Variants in RCOR1 observed in about 807,000 individuals in gnomAD.
RCOR1 encodes REST corepressor.
In RCOR1, 12 loss-of-function variants were observed where a neutral mutation model predicts 64.0. The ratio of observed to expected loss-of-function variants is 0.19; its 90% CI spans 0.12 to 0.30. The LOEUF (loss-of-function observed/expected upper bound fraction) is 0.30. Ranked by LOEUF, RCOR1 falls within the 10% of genes least tolerant of loss-of-function variation. The probability of loss-of-function intolerance (pLI) is 1.00; values close to 1 mark genes in which losing one functional copy is unlikely to be tolerated. For synonymous variants in RCOR1, 279 were observed against 227.2 expected, an observed-to-expected ratio of 1.23 and a Z score of -2.05; for missense variants, 502 against 621.2, an observed-to-expected ratio of 0.81 and a Z score of 2.04.
Position 102,708,574 on chromosome 14 carries a change from G to A in RCOR1, c.770G>A (p.Arg257Gln), listed in dbSNP as rs769850312. ...CATGCCCGGAAACAAAAACGGGAGC[G>A]GGAGGAGAGGTGAGCACATGGCTGG... ...DRHARKQKRE[R>Q]EESEDELEEA... Residue 257 changes from arginine to glutamine, a missense_variant, in exon 6 of 12, where the codon CGG becomes CAG. Arg to Gln is a conservative substitution (Grantham distance 43). Coordinates refer to ENST00000262241, the MANE Select transcript of RCOR1 (RefSeq NM_015156.4). 12 of 1,592,184 alleles carry A rather than the reference G, an allele frequency of 7.5e-6. No individual in the cohort carries two copies. Among genetic ancestry groups the A allele is most frequent in the Admixed American group, 3.3e-5 (2 of 59,920 alleles).
chr14:102,696,844 G>A (rs1402567875), intron 3 of RCOR1, among the ~76,000 whole-genome samples: 1 of 135,484 alleles, frequency 7.4e-6, no homozygotes, highest in Non-Finnish European at 1.6e-5. Flanking sequence ...AAGGGTAGCT[G>A]GGAACACATT....
intron 2 of RCOR1, among the ~76,000 whole-genome samples, chr14:102,639,822 A>C (rs1190337): frequency 0.78 from 118,518 of 151,336 alleles, 46,723 homozygotes; most frequent in Middle Eastern, 0.87. Context: ...TGTGACACTG[A>C]GCTCAGCCTA....
chr14:102,657,292 T>C (rs1382646978), intron 2 of RCOR1: 1 of 985,196 alleles, frequency 1.0e-6, no homozygotes, highest in Non-Finnish European at 1.2e-6. Flanking sequence ...GGTGAGTCCT[T>C]TTAGGCGATA....
intron 4 of RCOR1, among the ~76,000 whole-genome samples, chr14:102,705,350 T>C (rs774823676): frequency 5.1e-4 from 77 of 152,240 alleles, no homozygotes; most frequent in Non-Finnish European, 8.8e-5. Context: ...GTGGACCCAG[T>C]ATTCATTTTG....
At chr14:102,692,710 C>CTCCTTCCTTCCT (rs35869950) in intron 3 of RCOR1, among the ~76,000 whole-genome samples, 12,541 of 118,562 alleles carry the variant, frequency 0.11, 912 homozygotes, top group Non-Finnish European at 0.12. Flanking sequence ...AACTACATCT[C>CTCCTTCCTTCCT]TCCTTCCTTC....
chr14:102,636,930 C>T (rs529844301), intron 2 of RCOR1, among the ~76,000 whole-genome samples: 2 of 152,070 alleles, frequency 1.3e-5, no homozygotes, highest in Admixed American at 6.5e-5. Context: ...GAGATCGCAC[C>T]ATTGCACTCC....
At chr14:102,685,035 A>G (rs778929828) in intron 3 of RCOR1, among the ~76,000 whole-genome samples, 6 of 151,262 alleles carry the variant, frequency 4.0e-5, no homozygotes, top group Non-Finnish European at 7.4e-5. Flanking sequence ...AACTGTGTAT[A>G]GGATGTCTGG....
intron 3 of RCOR1, among the ~76,000 whole-genome samples, chr14:102,690,203 C>T (rs915843219): frequency 7.9e-5 from 12 of 152,154 alleles, no homozygotes; most frequent in East Asian, 3.8e-4. Context: ...CTATGACATA[C>T]GCACAATTCA....
chr14:102,697,181 A>G (rs1895668078), intron 3 of RCOR1, among the ~76,000 whole-genome samples: 1 of 152,202 alleles, frequency 6.6e-6, no homozygotes, highest in Non-Finnish European at 1.5e-5. Context: ...TTCTGTGAGG[A>G]GAGGAGGAGG....
chr14:102,678,864 A>G (rs1895245303), intron 2 of RCOR1, among the ~76,000 whole-genome samples: 1 of 152,138 alleles, frequency 6.6e-6, no homozygotes, highest in African/African-American at 2.4e-5. Context: ...TTTAATTTAC[A>G]TTTTCCTAAT....
At chr14:102,602,280 T>G (rs1043536444) in intron 2 of RCOR1, among the ~76,000 whole-genome samples, 1 of 152,212 alleles carries the variant, frequency 6.6e-6, no homozygotes, top group Admixed American at 6.5e-5. Flanking sequence ...ACTAGCAAGG[T>G]AAACAACTTT....
At chr14:102,664,581 C>G (rs570718423) in intron 2 of RCOR1, among the ~76,000 whole-genome samples, 1 of 152,246 alleles carries the variant, frequency 6.6e-6, no homozygotes, top group East Asian at 1.9e-4. Flanking sequence ...GGTGGCATTC[C>G]AGAGATCAGG....
At chr14:102,656,024 T>C in intron 2 of RCOR1, 1 of 985,046 alleles carries the variant, frequency 1.0e-6, no homozygotes, top group Non-Finnish European at 1.2e-6. Flanking sequence ...ATGCAGTGGA[T>C]TCCAAAATTA....
At chr14:102,621,776 A>T (rs762094753) in intron 2 of RCOR1, among the ~76,000 whole-genome samples, 1 of 152,126 alleles carries the variant, frequency 6.6e-6, no homozygotes, top group African/African-American at 2.4e-5. Context: ...TGGAGAAGGT[A>T]TATGGGGAAT....
chr14:102,698,619 C>A (rs1003764889), intron 3 of RCOR1, among the ~76,000 whole-genome samples: 1 of 152,170 alleles, frequency 6.6e-6, no homozygotes, highest in East Asian at 1.9e-4. Flanking sequence ...CTCAATTTAC[C>A]GCAGATTGTT....
At chr14:102,714,683 C>A (rs1896032196) in intron 8 of RCOR1, 66 bp downstream of exon 8, 1 of 1,249,632 alleles carries the variant, frequency 8.0e-7, no homozygotes, top group Non-Finnish European at 1.1e-6. Flanking sequence ...TTCTGTTATT[C>A]ATATATGTGA....
intron 2 of RCOR1, among the ~76,000 whole-genome samples, chr14:102,654,126 C>T (rs968861341): frequency 6.6e-6 from 1 of 151,378 alleles, no homozygotes; most frequent in Admixed American, 6.6e-5. Flanking sequence ...GCTGGGACTA[C>T]AGGTGCCTGC....
chr14:102,676,262 G>A (rs1045208590), intron 2 of RCOR1, among the ~76,000 whole-genome samples: 1 of 149,768 alleles, frequency 6.7e-6, no homozygotes, highest in Non-Finnish European at 1.5e-5. Context: ...GGGCAGAGGG[G>A]CTCCTCGCTT....
chr14:102,622,410 T>C (rs1328542492), intron 2 of RCOR1, among the ~76,000 whole-genome samples: 1 of 152,174 alleles, frequency 6.6e-6, no homozygotes, highest in Non-Finnish European at 1.5e-5. Context: ...TCCCCATCAC[T>C]GTCTGCTTGG....
Sources: gnomAD v4.1 joint callset for allele counts (sites outside exome capture counted in the v4.1 genomes callset) on GRCh38, gnomAD v4.1.1 for gene constraint, MANE v1.5 for transcripts, NCBI Gene and HGNC (gene_info 2026-07-23, HGNC 2026-07-21) for gene names.